The following SULT1B1 variants were observed in gnomAD, a reference collection of about 807,000 sequenced individuals.
The protein encoded by SULT1B1 is sulfotransferase family 1B member 1.
A neutral mutation model predicts 34.6 loss-of-function variants in SULT1B1; 28 were observed. The observed-to-expected ratio is 0.81, with a 90% CI of 0.60 to 1.11. The LOEUF (loss-of-function observed/expected upper bound fraction) is 1.11. Ranked by LOEUF, SULT1B1 falls within the 50% of genes least tolerant of loss-of-function variation. The pLI is 0.00. For missense variants in SULT1B1, 374 were observed against 352.2 expected (o/e 1.06, Z -0.50); for synonymous variants, 147 against 110.2 (o/e 1.33, Z -2.09).
chr4:69,723,540 C>G lies in SULT1B1; in HGVS notation c.*3548G>C, dbSNP rs1009254770. The G allele has an allele frequency of 6.6e-6, 1 of 152,234 alleles. No homozygotes were observed. Among genetic ancestry groups the G allele is most frequent in the African/African-American group, 2.4e-5 (1 of 41,438 alleles). 9.4% of individuals were successfully genotyped at this position (152,234 alleles called of 1,614,324 possible). The stretch of plus-strand genomic sequence containing the variant: ...ACTCATTTTATGAGGCCAGCATCAT[C>G]CTGATACCAAAGCCTGGCAGAGACA... On this transcript the variant is annotated 3_prime_UTR_variant, in exon 8 of 8. Transcript: ENST00000310613.
intron 6 of SULT1B1, among the ~76,000 whole-genome samples, chr4:69,730,885 C>T (rs1290125616): frequency 1.3e-5 from 2 of 151,936 alleles, no homozygotes; most frequent in Admixed American, 6.6e-5. Flanking sequence ...TGTGTCAGTC[C>T]TCTCTGACAG....
intron 4 of SULT1B1, among the ~76,000 whole-genome samples, chr4:69,745,848 T>C (rs1718727886): frequency 6.6e-6 from 1 of 152,202 alleles, no homozygotes; most frequent in Non-Finnish European, 1.5e-5. Flanking sequence ...AGTTGGTATG[T>C]CTTTTGCTTC....
chr4:69,729,867 T>C (rs2110016748), intron 7 of SULT1B1, among the ~76,000 whole-genome samples: 1 of 152,276 alleles, frequency 6.6e-6, no homozygotes, highest in Middle Eastern at 3.4e-3. Context: ...ATTGTTATTA[T>C]TAACACATTT....
Position 69,754,103 on chromosome 4 carries a change from G to C in SULT1B1, c.277+567C>G, listed in dbSNP as rs182500141. 1.6e-3 allele frequency among the ~76,000 whole-genome samples: 242 copies of C among 152,046 alleles called. 2 individuals carry two copies. The highest frequency in any genetic ancestry group is 5.7e-3 in the African/African-American group (238 of 41,466). On this transcript the variant is annotated intron_variant, in intron 3 of 7. Transcript: ENST00000310613. ...CTTAAAGTAAGCTTTCCTATTGTTC[G>C]CTTCCACAGAACCCTATTATTTGAC...
intron 4 of SULT1B1, among the ~76,000 whole-genome samples, chr4:69,746,193 T>A (rs1718740396): frequency 6.6e-6 from 1 of 152,238 alleles, no homozygotes; most frequent in Non-Finnish European, 1.5e-5. Context: ...TTGGGAATTG[T>A]TGTCTTATGT....
intron 4 of SULT1B1, among the ~76,000 whole-genome samples, chr4:69,744,250 C>T (rs13115291): frequency 4.6e-5 from 7 of 152,148 alleles, no homozygotes; most frequent in Non-Finnish European, 1.0e-4. Context: ...CAGGGGTGGA[C>T]TCTAGGGACT....
At chr4:69,729,768 C>G (rs17147586) in intron 7 of SULT1B1, among the ~76,000 whole-genome samples, 2,121 of 152,166 alleles carry the variant, frequency 0.014, 42 homozygotes, top group East Asian at 0.081. Context: ...CATCTCCCTC[C>G]AATTCAATCA....
rs895316574 is a variant in SULT1B1 at position 69,725,531 on chromosome 4, A to G, written c.*1557T>C. On this transcript the variant is annotated 3_prime_UTR_variant, in exon 8 of 8. Transcript: ENST00000310613. ...CCATCCCATTACTGGGTATATACCCAAAGGATTATAAATCATGCTGCTATA... is the reference window on the plus strand; with the variant it reads ...CCATCCCATTACTGGGTATATACCCGAAGGATTATAAATCATGCTGCTATA... 9.8e-5 allele frequency: 15 copies of G among 152,306 alleles called. No individual in the cohort carries two copies. The highest frequency in any genetic ancestry group is 5.9e-5 in the Non-Finnish European group (4 of 68,018). 9.4% of individuals were successfully genotyped at this position (152,306 alleles called of 1,614,324 possible).
chr4:69,746,077 G>C (rs1718735776), intron 4 of SULT1B1, among the ~76,000 whole-genome samples: 3 of 152,194 alleles, frequency 2.0e-5, no homozygotes, highest in Non-Finnish European at 4.4e-5. Flanking sequence ...ATAGTCCACT[G>C]CTAGCCTGGT....
chr4:69,757,229 T>G (rs2110033583), intron 1 of SULT1B1, among the ~76,000 whole-genome samples: 1 of 152,324 alleles, frequency 6.6e-6, no homozygotes, highest in Admixed American at 6.5e-5. Flanking sequence ...TTTCTTAAGA[T>G]CTGTTAATTT....
rs1717803059 is a variant in SULT1B1, at chr4:69,725,618, A to T, written c.*1470T>A. On this transcript the variant is annotated 3_prime_UTR_variant, in exon 8 of 8. Transcript: ENST00000310613. Reference sequence around the variant, plus strand: ...TCACAATAGCAAAGACTTGGAACCAACCCAAATGTCCATCAATGATAGACT... The same window carrying T: ...TCACAATAGCAAAGACTTGGAACCATCCCAAATGTCCATCAATGATAGACT... The T allele has an allele frequency of 6.6e-6, 1 of 152,232 alleles. No individual in the cohort carries two copies. Among genetic ancestry groups the T allele is most frequent in the Non-Finnish European group, 1.5e-5 (1 of 68,010 alleles). 9.4% of individuals were successfully genotyped at this position (152,232 alleles called of 1,614,324 possible).
intron 1 of SULT1B1, among the ~76,000 whole-genome samples, chr4:69,759,311 C>T (rs1013606330): frequency 1.3e-5 from 2 of 152,120 alleles, no homozygotes; most frequent in Non-Finnish European, 2.9e-5. Context: ...GAAAATTTAC[C>T]GTAGGCCCAA....
At chr4:69,745,091 G>T (rs934488785) in intron 4 of SULT1B1, among the ~76,000 whole-genome samples, 1 of 152,266 alleles carries the variant, frequency 6.6e-6, no homozygotes, top group Middle Eastern at 3.4e-3. Context: ...TGGCCCGAGA[G>T]TATGGTTGGT....
intron 4 of SULT1B1, 51 bp downstream of exon 4, chr4:69,749,670 G>T (rs749735396): frequency 1.5e-5 from 19 of 1,294,760 alleles, no homozygotes; most frequent in African/African-American, 1.0e-4. Context: ...TATGTGAGTG[G>T]GTAAAGGGAT....
chr4:69,734,150 A>G lies in SULT1B1; in HGVS notation c.490T>C (p.Leu164=). The G allele has an allele frequency of 6.2e-7, 1 of 1,609,762 alleles. No individual in the cohort carries two copies. Among genetic ancestry groups the G allele is most frequent in the Non-Finnish European group, 8.5e-7 (1 of 1,177,866 alleles). The change falls in exon 5 of 8, where the codon TTA becomes CTA. Residue 164 remains leucine, a synonymous_variant. Coordinates refer to ENST00000310613, the MANE Select transcript of SULT1B1 (RefSeq NM_014465.4). ...AAAGTCCACATACCTTTTCCAGTTA[A>G]GAATTTCTCCAGATATTCTTCCCAG... ...GTWEEYLEKF[L]TGKVAYGSWF... is the part of the protein sequence containing the mutation.
intron 1 of SULT1B1, among the ~76,000 whole-genome samples, chr4:69,759,173 C>A (rs1252289894): frequency 6.6e-6 from 1 of 152,150 alleles, no homozygotes; most frequent in Admixed American, 6.6e-5. Flanking sequence ...AATGATAAGT[C>A]TTACTTGCAT....
At chr4:69,742,628 A>G (rs188521619) in intron 4 of SULT1B1, among the ~76,000 whole-genome samples, 3 of 152,254 alleles carry the variant, frequency 2.0e-5, no homozygotes, top group Non-Finnish European at 4.4e-5. Context: ...TTGCTTCACC[A>G]GCCGGAAACC....
rs185876329 is a variant in SULT1B1, at chr4:69,722,932, T to C, written c.*4156A>G. ...TGAGAACCATGGCTTGGCATATAAC[T>C]TGGCACATGTGATATGATCTCAGGA... On this transcript the variant is annotated 3_prime_UTR_variant, in exon 8 of 8. Transcript: ENST00000310613. 48 of 151,880 alleles carry C rather than the reference T, an allele frequency of 3.2e-4. No individual in the cohort carries two copies. Among genetic ancestry groups the C allele is most frequent in the African/African-American group, 1.1e-3 (44 of 41,438 alleles). 9.4% of individuals were successfully genotyped at this position (151,880 alleles called of 1,614,324 possible).
chr4:69,733,467 C>T lies in SULT1B1; in HGVS notation c.543G>A (p.Trp181Ter). ...GSWFTHVKNW[W>*]KKKEEHPILF... ...GTATTGGGTGTTCTTCCTTTTTCTT[C>T]CACCAGTTTTTAACATGAGTAAACC... Residue 181 changes from tryptophan (W) to a stop codon, truncating the protein, a stop_gained, in exon 6 of 8, where the codon TGG becomes TGA. Transcript: ENST00000310613. LOFTEE classifies it high-confidence loss of function. 1 of 1,607,794 alleles carries T rather than the reference C, an allele frequency of 6.2e-7. No homozygotes were observed. Among genetic ancestry groups the T allele is most frequent in the Non-Finnish European group, 8.5e-7 (1 of 1,177,704 alleles).
Sources: gnomAD v4.1 joint callset for allele counts (sites outside exome capture counted in the v4.1 genomes callset) on GRCh38, gnomAD v4.1.1 for gene constraint, MANE v1.5 for transcripts, NCBI Gene and HGNC (gene_info 2026-07-23, HGNC 2026-07-21) for gene names.